ALPK1: variants seen among roughly 807,000 people sequenced by gnomAD.
ALPK1 encodes the protein alpha-protein kinase 1.
A neutral mutation model predicts 120.6 loss-of-function variants in ALPK1; 110 were observed. The observed-to-expected ratio is 0.91, with a 90% CI of 0.78 to 1.07. ALPK1 has a LOEUF of 1.07. Ranked by LOEUF, ALPK1 falls within the 50% of genes least tolerant of loss-of-function variation. The probability of loss-of-function intolerance (pLI) is 0.00; values close to 1 mark genes in which losing one functional copy is unlikely to be tolerated. For missense variants in ALPK1, 1,498 were observed against 1,483.9 expected (o/e 1.01, Z -0.16); for synonymous variants, 582 against 560.3 (o/e 1.04, Z -0.55).
At chr4:112,337,135 T>C (rs917711717) in intron 2 of ALPK1, among the ~76,000 whole-genome samples, 2 of 152,142 alleles carry the variant, frequency 1.3e-5, no homozygotes, top group African/African-American at 4.8e-5. Flanking sequence ...TTACTGACTT[T>C]TTAAACAACA....
At chr4:112,359,456 C>T in intron 2 of ALPK1, 1 of 283,812 alleles carries the variant, frequency 3.5e-6, no homozygotes, top group Non-Finnish European at 6.9e-6. Context: ...TGCATCCATA[C>T]CACAAGCAGC....
rs558023542 is a variant in ALPK1 at position 112,422,414 on chromosome 4, T to C, written c.476-1530T>C. Among the ~76,000 whole-genome samples the C allele has an allele frequency of 2.0e-5, 3 of 152,292 alleles. No individual in the cohort carries two copies. In the East Asian group the frequency reaches 5.8e-4, roughly 29 times the overall value. Reference sequence around the variant, plus strand: ...GGTATCTCCCTAGCTAGACACCGAGTCCACTGGTTACATTTTGCTACATTC... The same window carrying C: ...GGTATCTCCCTAGCTAGACACCGAGCCCACTGGTTACATTTTGCTACATTC... On this transcript the variant is annotated intron_variant, in intron 5 of 15. Coordinates refer to ENST00000650871, the MANE Select transcript of ALPK1 (RefSeq NM_025144.4).
intron 1 of ALPK1, among the ~76,000 whole-genome samples, chr4:112,313,489 G>A (rs1026172414): frequency 5.3e-5 from 8 of 152,308 alleles, no homozygotes; most frequent in African/African-American, 1.4e-4. Flanking sequence ...TTGGGAGGCC[G>A]GGGCAGGTGA....
At chr4:112,359,052 C>A in intron 2 of ALPK1, 1 of 758,720 alleles carries the variant, frequency 1.3e-6, no homozygotes, top group South Asian at 1.3e-5. Context: ...CCAAAGGCAG[C>A]GGACACAGCC....
At chr4:112,311,444 T>A (rs1475824285) in intron 1 of ALPK1, among the ~76,000 whole-genome samples, 1 of 152,208 alleles carries the variant, frequency 6.6e-6, no homozygotes, top group Non-Finnish European at 1.5e-5. Flanking sequence ...TGGTAATGAT[T>A]ACTATTTCTA....
At chr4:112,389,178 G>A (rs2148733327) in intron 4 of ALPK1, among the ~76,000 whole-genome samples, 1 of 152,076 alleles carries the variant, frequency 6.6e-6, no homozygotes, top group East Asian at 1.9e-4. Context: ...CTGAGTAGCT[G>A]GGACTACAGG....
At chr4:112,357,968 GC>G in intron 2 of ALPK1, 1 of 707,114 alleles carries the variant, frequency 1.4e-6, no homozygotes, top group Non-Finnish European at 2.6e-6. Flanking sequence ...GTCTACCGGC[GC>G]CACCTTCCTG....
chr4:112,390,634 C>T (rs4833407), intron 4 of ALPK1, among the ~76,000 whole-genome samples: 5 of 151,938 alleles, frequency 3.3e-5, no homozygotes, highest in African/African-American at 9.7e-5. Flanking sequence ...TGAATGAAAC[C>T]GTATTAATGT....
In ALPK1 at chr4:112,431,589, G is replaced by A. The variant is rs35519493; in HGVS notation, c.2042G>A (p.Gly681Asp). The A allele has an allele frequency of 0.012, 19,609 of 1,614,122 alleles. 154 individuals are homozygous for A. The highest frequency in any genetic ancestry group is 0.014 in the Non-Finnish European group (16,884 of 1,180,018). The change falls in exon 11 of 16, where the codon GGC becomes GAC. Residue 681 changes from glycine to aspartate, a missense_variant. By Grantham distance (94) the Gly-to-Asp change is moderately conservative. Coordinates refer to ENST00000650871, the MANE Select transcript of ALPK1 (RefSeq NM_025144.4). The stretch of plus-strand genomic sequence containing the variant: ...CCCTTCTCGCCTCATAATACCCCAG[G>A]CATTTTCTTGGCCCCTGGTGCAGGG... ...LTPFSPHNTP[G>D]IFLAPGAGLL...
Position 112,435,212 on chromosome 4 carries a change from T to C in ALPK1, c.3099T>C (p.Tyr1033=). Residue 1033 remains tyrosine, a synonymous_variant, in exon 12 of 16, where the codon TAT becomes TAC. Coordinates refer to ENST00000650871, the MANE Select transcript of ALPK1 (RefSeq NM_025144.4). ...ELWTAQETIV[Y]LGDYLTVKKK... ...GGACGGCCCAGGAAACTATTGTCTA[T>C]TTGGGGGACTACTTGACTGTGAAGA... 6.2e-7 allele frequency: 1 copy of C among 1,613,688 alleles called. No homozygotes were observed. Among genetic ancestry groups the C allele is most frequent in the East Asian group, 2.2e-5 (1 of 44,858 alleles).
chr4:112,438,452 C>T, intron 12 of ALPK1, 32 bp from the exon 13 acceptor site: 1 of 1,604,834 alleles, frequency 6.2e-7, no homozygotes, highest in Non-Finnish European at 8.5e-7. Context: ...ACCACTTTTG[C>T]ATTTTGTTGT....
intron 3 of ALPK1, among the ~76,000 whole-genome samples, chr4:112,379,631 A>T (rs1490345621): frequency 6.6e-6 from 1 of 152,232 alleles, no homozygotes; most frequent in Non-Finnish European, 1.5e-5. Flanking sequence ...TCCCAGAGAA[A>T]GGCATTAGTA....
At chr4:112,315,619 T>C (rs946688234) in intron 1 of ALPK1, among the ~76,000 whole-genome samples, 182 bp from the exon 2 acceptor site, 2 of 152,216 alleles carry the variant, frequency 1.3e-5, no homozygotes, top group African/African-American at 4.8e-5. Flanking sequence ...TGATGAACAG[T>C]GATGATACAA....
chr4:112,426,494 T>C lies in ALPK1; in HGVS notation c.650T>C (p.Ile217Thr). 6.2e-7 allele frequency: 1 copy of C among 1,603,094 alleles called. No homozygotes were observed. The highest frequency in any genetic ancestry group is 8.5e-7 in the Non-Finnish European group (1 of 1,175,776). Residue 217 changes from isoleucine to threonine, a missense_variant, in exon 8 of 16, where the codon ATA becomes ACA. Physicochemically the swap from Ile to Thr is moderately conservative, Grantham distance 89. Coordinates refer to ENST00000650871, the MANE Select transcript of ALPK1 (RefSeq NM_025144.4). The stretch of plus-strand genomic sequence containing the variant: ...ATGTGGTACGAAGCAGCAGAGTTAA[T>C]ATGGGCCTCCATTGTAGGATATTTG... ...LGMWYEAAELIWASIVGYLAL... is the reference protein window; with the variant it reads ...LGMWYEAAELTWASIVGYLAL...
rs79516545 is a variant in ALPK1, at chr4:112,429,450, A to G, written c.900+197A>G. Reference sequence around the variant, plus strand: ...TTGACAGCCTACTAGGAGCTAAATTAATTCAGCCCAAGGGTAGATTGTTGT... The same window carrying G: ...TTGACAGCCTACTAGGAGCTAAATTGATTCAGCCCAAGGGTAGATTGTTGT... On this transcript the variant is annotated intron_variant, in intron 10 of 15. Coordinates refer to ENST00000650871, the MANE Select transcript of ALPK1 (RefSeq NM_025144.4). Among the ~76,000 whole-genome samples, 9 of 152,330 alleles carry G rather than the reference A, an allele frequency of 5.9e-5. 1 individual carries two copies. The highest frequency in any genetic ancestry group is 2.2e-4 in the African/African-American group (9 of 41,570).
At chr4:112,434,180 A>G (rs1015327699) in intron 11 of ALPK1, among the ~76,000 whole-genome samples, 1 of 152,208 alleles carries the variant, frequency 6.6e-6, no homozygotes, top group East Asian at 1.9e-4. Context: ...GAAATACATT[A>G]GAGGAAGCAA....
At chr4:112,350,219 G>T (rs116669252) in intron 2 of ALPK1, among the ~76,000 whole-genome samples, 2,994 of 152,228 alleles carry the variant, frequency 0.02, 42 homozygotes, top group Non-Finnish European at 0.03. Context: ...TAACTTCAAA[G>T]CTACATAGTT....
In ALPK1 at chr4:112,433,364, G is replaced by C. The variant is rs114928239; in HGVS notation, c.3034+783G>C. 2.8e-3 allele frequency among the ~76,000 whole-genome samples: 431 copies of C among 152,238 alleles called. 2 individuals are homozygous for C. The highest frequency in any genetic ancestry group is 1.0e-2 in the African/African-American group (414 of 41,544). On this transcript the variant is annotated intron_variant, in intron 11 of 15. Coordinates refer to ENST00000650871, the MANE Select transcript of ALPK1 (RefSeq NM_025144.4). Reference sequence around the variant, plus strand: ...AGGGTTTCTCTGGGATCTCTTTTATGAGGGCACTCATCCCATCTATGAGGA... The same window carrying C: ...AGGGTTTCTCTGGGATCTCTTTTATCAGGGCACTCATCCCATCTATGAGGA...
At chr4:112,389,319 C>T (rs566605759) in intron 4 of ALPK1, among the ~76,000 whole-genome samples, 1 of 152,162 alleles carries the variant, frequency 6.6e-6, no homozygotes, top group Non-Finnish European at 1.5e-5. Flanking sequence ...GCTGAGATTA[C>T]AAGCGTGAGC....
Sources: allele counts gnomAD v4.1 joint callset (sites outside exome capture counted in the v4.1 genomes callset), GRCh38; gene constraint gnomAD v4.1.1; transcripts MANE v1.5; gene names NCBI Gene and HGNC (gene_info 2026-07-23, HGNC 2026-07-21).